Variants in ST6GALNAC3 observed in about 807,000 individuals in gnomAD.
The protein encoded by ST6GALNAC3 is alpha-N-acetylgalactosaminide alpha-2,6-sialyltransferase 3.
In ST6GALNAC3, 25 loss-of-function variants were observed where a neutral mutation model predicts 32.7. The observed-to-expected ratio is 0.76, with a 90% CI of 0.56 to 1.07. The LOEUF is 1.07. Among genes scored for constraint, ST6GALNAC3 ranks in the 50% least tolerant of loss-of-function variants. The pLI is 0.00. For synonymous variants in ST6GALNAC3, 129 were observed against 133.1 expected, an observed-to-expected ratio of 0.97 and a Z score of 0.21; for missense variants, 355 against 382.4, an observed-to-expected ratio of 0.93 and a Z score of 0.60.
intron 2 of ST6GALNAC3, among the ~76,000 whole-genome samples, chr1:76,314,855 A>G (rs1192586281): frequency 1.3e-5 from 2 of 152,108 alleles, no homozygotes; most frequent in Non-Finnish European, 2.9e-5. Flanking sequence ...GTCTTGGATC[A>G]GCTCCCATCG....
chr1:76,103,663 C>T (rs1191359251), intron 1 of ST6GALNAC3, among the ~76,000 whole-genome samples: 1 of 152,166 alleles, frequency 6.6e-6, no homozygotes, highest in Non-Finnish European at 1.5e-5. Context: ...AGCAGCCACA[C>T]TCCCTCCAAA....
intron 3 of ST6GALNAC3, among the ~76,000 whole-genome samples, chr1:76,454,212 G>A (rs1022545757): frequency 1.3e-5 from 2 of 152,094 alleles, no homozygotes; most frequent in African/African-American, 2.4e-5. Flanking sequence ...CAGATACTTG[G>A]TTAGTGAATT....
intron 2 of ST6GALNAC3, among the ~76,000 whole-genome samples, chr1:76,327,288 G>A (rs1181754628): frequency 7.7e-5 from 8 of 103,302 alleles, no homozygotes; most frequent in Middle Eastern, 6.2e-3. Flanking sequence ...GTGTGTGTGT[G>A]TGTGTGTGTG....
At chr1:76,164,136 A>G (rs1651981008) in intron 1 of ST6GALNAC3, among the ~76,000 whole-genome samples, 1 of 152,202 alleles carries the variant, frequency 6.6e-6, no homozygotes, top group Non-Finnish European at 1.5e-5. Context: ...GCTTATATCT[A>G]TGGTTAAGTG....
intron 1 of ST6GALNAC3, among the ~76,000 whole-genome samples, chr1:76,296,492 T>C (rs999555426): frequency 6.6e-6 from 1 of 152,122 alleles, no homozygotes; most frequent in African/African-American, 2.4e-5. Context: ...TCTTCTTCTA[T>C]TCGTCAATTC....
chr1:76,474,318 G>A (rs1571344367), intron 3 of ST6GALNAC3, among the ~76,000 whole-genome samples: 1 of 152,308 alleles, frequency 6.6e-6, no homozygotes, highest in African/African-American at 2.4e-5. Flanking sequence ...GTCAGGCAAT[G>A]AGCTGGAAAG....
intron 1 of ST6GALNAC3, among the ~76,000 whole-genome samples, chr1:76,149,016 T>G (rs549899): frequency 0.93 from 142,272 of 152,222 alleles, 67,267 homozygotes; most frequent in East Asian, 1. Flanking sequence ...GTCAAATGGG[T>G]ATAACAATGC....
chr1:76,287,863 G>A (rs1659872490), intron 1 of ST6GALNAC3, among the ~76,000 whole-genome samples: 1 of 152,156 alleles, frequency 6.6e-6, no homozygotes, highest in Non-Finnish European at 1.5e-5. Context: ...ATTTAATTTG[G>A]GGTGAGAATA....
At chr1:76,238,891 T>G (rs1557718456) in intron 1 of ST6GALNAC3, among the ~76,000 whole-genome samples, 1 of 152,020 alleles carries the variant, frequency 6.6e-6, no homozygotes, top group Non-Finnish European at 1.5e-5. Context: ...TCTTTCTCAA[T>G]CTGGGACAGT....
chr1:76,190,961 T>C (rs1570378947), intron 1 of ST6GALNAC3, among the ~76,000 whole-genome samples: 4 of 152,298 alleles, frequency 2.6e-5, no homozygotes, highest in Admixed American at 2.0e-4. Flanking sequence ...TCAGCATCAC[T>C]TGGGAGCTTG....
rs149674458 is a variant in ST6GALNAC3 at position 76,483,314 on chromosome 1, T to G, written c.623+70897T>G. On this transcript the variant is annotated intron_variant, in intron 3 of 4. Coordinates refer to ENST00000328299, the MANE Select transcript of ST6GALNAC3 (RefSeq NM_152996.4). ...AGAATCGCCATACTGTCTTCCACAATGGTTGAACTAGTTTACAGTCCCACC... is the reference window on the plus strand; with the variant it reads ...AGAATCGCCATACTGTCTTCCACAAGGGTTGAACTAGTTTACAGTCCCACC... Among the ~76,000 whole-genome samples, 262 of 152,320 alleles carry G rather than the reference T, an allele frequency of 1.7e-3. 4 individuals carry two copies. The East Asian group carries it at 0.036, about 21-fold the overall frequency.
At chr1:76,384,669 G>A (rs1651961092) in intron 2 of ST6GALNAC3, among the ~76,000 whole-genome samples, 1 of 151,822 alleles carries the variant, frequency 6.6e-6, no homozygotes, top group African/African-American at 2.4e-5. Flanking sequence ...TCAATGAGTT[G>A]AAATCACACA....
intron 2 of ST6GALNAC3, among the ~76,000 whole-genome samples, chr1:76,343,581 G>A (rs1345897552): frequency 6.6e-6 from 1 of 152,136 alleles, no homozygotes; most frequent in African/African-American, 2.4e-5. Flanking sequence ...AAAACCCTTT[G>A]GAACCATGGT....
intron 2 of ST6GALNAC3, among the ~76,000 whole-genome samples, chr1:76,391,627 C>T (rs1571070538): frequency 7.5e-6 from 1 of 133,932 alleles, no homozygotes; most frequent in African/African-American, 2.8e-5. Context: ...TTTTCTTTTC[C>T]TATAGCACAT....
At chr1:76,430,689 C>T (rs968756127) in intron 3 of ST6GALNAC3, among the ~76,000 whole-genome samples, 38 of 152,232 alleles carry the variant, frequency 2.5e-4, no homozygotes, top group Middle Eastern at 3.4e-3. Flanking sequence ...TTGGCTGCTT[C>T]TTATCTTTTA....
chr1:76,357,130 C>CTTTTTTTTTTTTTTTTTTTTTT (rs55786044), intron 2 of ST6GALNAC3, among the ~76,000 whole-genome samples: 230 of 111,180 alleles, frequency 2.1e-3, no homozygotes, highest in Non-Finnish European at 2.4e-3. Flanking sequence ...TTTTCTTTTT[C>CTTTTTTTTTTTTTTTTTTTTTT]TTTTTTTTTT....
chr1:76,149,257 A>G (rs1420525846), intron 1 of ST6GALNAC3, among the ~76,000 whole-genome samples: 4 of 152,210 alleles, frequency 2.6e-5, no homozygotes, highest in African/African-American at 9.7e-5. Flanking sequence ...TTCCTTAACA[A>G]GCCATTCAAC....
At chr1:76,173,658 A>C (rs1437043095) in intron 1 of ST6GALNAC3, among the ~76,000 whole-genome samples, 1 of 152,250 alleles carries the variant, frequency 6.6e-6, no homozygotes, top group African/African-American at 2.4e-5. Context: ...AAACAACTCC[A>C]TCAAAAAGTA....
At chr1:76,295,783 A>C (rs1205287241) in intron 1 of ST6GALNAC3, among the ~76,000 whole-genome samples, 1 of 152,078 alleles carries the variant, frequency 6.6e-6, no homozygotes, top group Non-Finnish European at 1.5e-5. Context: ...AATTATGTGG[A>C]GAGACTAGAA....
Sources: allele counts gnomAD v4.1 joint callset (sites outside exome capture counted in the v4.1 genomes callset), GRCh38; gene constraint gnomAD v4.1.1; transcripts MANE v1.5; gene names NCBI Gene and HGNC (gene_info 2026-07-23, HGNC 2026-07-21).